Variants in C2orf42 observed in about 807,000 individuals in gnomAD.
The protein encoded by C2orf42 is uncharacterized protein C2orf42.
A neutral mutation model predicts 58.9 loss-of-function variants in C2orf42; 44 were observed. The ratio of observed to expected loss-of-function variants is 0.75; its 90% CI spans 0.59 to 0.96. The LOEUF is 0.96. Ranked by LOEUF, C2orf42 falls within the 40% of genes least tolerant of loss-of-function variation. C2orf42 has a pLI of 0.00. For missense variants in C2orf42, 630 were observed against 699.2 expected (o/e 0.90, Z 1.12); for synonymous variants, 239 against 265.4 (o/e 0.90, Z 0.97).
At chr2:70,162,997 A>T (rs1379225431) in intron 8 of C2orf42, among the ~76,000 whole-genome samples, 7 of 150,962 alleles carry the variant, frequency 4.6e-5, no homozygotes, top group African/African-American at 1.7e-4. Flanking sequence ...CCTCCCAAGT[A>T]GCTGGGATTA....
chr2:70,182,852 C>T lies in C2orf42; in HGVS notation c.-198G>A, dbSNP rs1674669863. 1 of 152,230 alleles carries T rather than the reference C, an allele frequency of 6.6e-6. No homozygotes were observed. Among genetic ancestry groups the T allele is most frequent in the African/African-American group, 2.4e-5 (1 of 41,470 alleles). 9.4% of individuals were successfully genotyped at this position (152,230 alleles called of 1,614,324 possible). On this transcript the variant is annotated 5_prime_UTR_variant, in exon 2 of 10. Coordinates refer to ENST00000264434, the MANE Select transcript of C2orf42 (RefSeq NM_017880.3). ...TAACAATGCAGACATTCTGCCTCCT[C>T]CTTCTCCACCAGCCAATGGCAAAGC...
At chr2:70,159,969 C>A (rs1213391970) in intron 9 of C2orf42, among the ~76,000 whole-genome samples, 1 of 151,586 alleles carries the variant, frequency 6.6e-6, no homozygotes, top group East Asian at 1.9e-4. Flanking sequence ...ACAAGAGCAG[C>A]AAAAAAATAA....
intron 9 of C2orf42, among the ~76,000 whole-genome samples, chr2:70,154,109 G>C (rs1270575458): frequency 6.6e-6 from 1 of 150,702 alleles, no homozygotes; most frequent in East Asian, 1.9e-4. Flanking sequence ...GAACTGTTTA[G>C]CATCCACAAA....
intron 1 of C2orf42, among the ~76,000 whole-genome samples, chr2:70,183,396 C>A (rs1674702888): frequency 6.6e-6 from 1 of 151,954 alleles, no homozygotes; most frequent in African/African-American, 2.4e-5. Flanking sequence ...GCCATTATAC[C>A]CCAGCCTTGG....
chr2:70,159,309 C>T (rs1484464359), intron 9 of C2orf42, among the ~76,000 whole-genome samples: 2 of 151,846 alleles, frequency 1.3e-5, no homozygotes, highest in Non-Finnish European at 2.9e-5. Context: ...AATTTAGGGC[C>T]CGGCCTGGTG....
intron 8 of C2orf42, among the ~76,000 whole-genome samples, chr2:70,162,537 G>A (rs1027892357): frequency 4.6e-5 from 7 of 151,604 alleles, no homozygotes; most frequent in South Asian, 2.1e-4. Context: ...CCAGCTACTC[G>A]GGAGGCTGAG....
intron 1 of C2orf42, among the ~76,000 whole-genome samples, chr2:70,187,408 G>A (rs977078469): frequency 2.0e-5 from 3 of 151,848 alleles, no homozygotes; most frequent in African/African-American, 4.8e-5. Context: ...CTGCTACCAC[G>A]CCCAGCTAAC....
At chr2:70,182,606 A>G (rs1030490318) in intron 2 of C2orf42, 61 bp downstream of exon 2, 1 of 152,230 alleles carries the variant, frequency 6.6e-6, no homozygotes, top group African/African-American at 2.4e-5. Flanking sequence ...AGAATTAGAG[A>G]ACATGAAAGA....
At chr2:70,189,406 C>CAAAA (rs1182514916) in intron 1 of C2orf42, among the ~76,000 whole-genome samples, 5 of 27,138 alleles carry the variant, frequency 1.8e-4, no homozygotes, top group South Asian at 1.7e-3. Flanking sequence ...AACTCCATCT[C>CAAAA]AAAAAAAAAA....
intron 9 of C2orf42, among the ~76,000 whole-genome samples, chr2:70,156,632 C>G (rs1228570351): frequency 6.6e-6 from 1 of 151,652 alleles, no homozygotes; most frequent in Non-Finnish European, 1.5e-5. Context: ...GGCTGAGGCA[C>G]GAGGACTGCT....
At chr2:70,163,546 G>A (rs996875719) in intron 8 of C2orf42, among the ~76,000 whole-genome samples, 2 of 151,634 alleles carry the variant, frequency 1.3e-5, no homozygotes, top group African/African-American at 2.4e-5. Flanking sequence ...CACCCAGCCC[G>A]AAAAACATTT....
chr2:70,160,574 C>A, intron 9 of C2orf42, 51 bp downstream of exon 9: 1 of 1,342,708 alleles, frequency 7.4e-7, no homozygotes, highest in South Asian at 1.3e-5. Flanking sequence ...GTGTACTGTA[C>A]TGTTCACCAG....
intron 8 of C2orf42, among the ~76,000 whole-genome samples, chr2:70,162,460 C>G (rs546820180): frequency 6.6e-6 from 1 of 151,864 alleles, no homozygotes; most frequent in South Asian, 2.1e-4. Flanking sequence ...CCAGCCTGGT[C>G]AACATGGTGA....
At chr2:70,182,055 A>G (rs918890247) in intron 2 of C2orf42, 58 bp from the exon 3 acceptor site, 24 of 770,448 alleles carry the variant, frequency 3.1e-5, no homozygotes, top group Non-Finnish European at 5.1e-5. Context: ...AAAAGTTAAA[A>G]TCACTTATGA....
At chr2:70,167,692 G>C (rs940382488) in intron 6 of C2orf42, among the ~76,000 whole-genome samples, 1 of 152,048 alleles carries the variant, frequency 6.6e-6, no homozygotes, top group Non-Finnish European at 1.5e-5. Flanking sequence ...AGTGAACTGA[G>C]ATTGTACCAC....
intron 1 of C2orf42, among the ~76,000 whole-genome samples, chr2:70,186,330 A>T (rs1253215791): frequency 6.6e-6 from 1 of 152,128 alleles, no homozygotes; most frequent in Non-Finnish European, 1.5e-5. Flanking sequence ...ACACACACAC[A>T]TATATACAAT....
At chr2:70,154,056 AAAAC>A (rs969731064) in intron 9 of C2orf42, among the ~76,000 whole-genome samples, 8 of 124,038 alleles carry the variant, frequency 6.4e-5, no homozygotes, top group South Asian at 4.8e-4. Flanking sequence ...CTGTCTCAAA[AAAAC>A]AAACAAACAA....
chr2:70,180,536 A>T (rs1439039480), intron 3 of C2orf42, among the ~76,000 whole-genome samples: 1 of 135,898 alleles, frequency 7.4e-6, no homozygotes, highest in Non-Finnish European at 1.5e-5. Context: ...TGAACCCAGG[A>T]GGCAGGGGTT....
chr2:70,185,993 TAA>T (rs746486291), intron 1 of C2orf42, among the ~76,000 whole-genome samples: 12,527 of 99,042 alleles, frequency 0.13, 642 homozygotes, highest in African/African-American at 0.2. Flanking sequence ...TCCCTAATTG[TAA>T]AAAAAAAAAA....
Sources: allele counts gnomAD v4.1 joint callset (sites outside exome capture counted in the v4.1 genomes callset), GRCh38; gene constraint gnomAD v4.1.1; transcripts MANE v1.5; gene names NCBI Gene and HGNC (gene_info 2026-07-23, HGNC 2026-07-21).